The following ADARB2 variants were observed in gnomAD, a reference collection of about 807,000 sequenced individuals.
ADARB2 encodes inactive double-stranded RNA-specific editase B2.
ADARB2 carries 25 observed loss-of-function variants against 62.2 expected under a neutral mutation model. The observed-to-expected ratio is 0.40, with a 90% CI of 0.29 to 0.56. The LOEUF is 0.56. Among genes scored for constraint, ADARB2 ranks in the 20% least tolerant of loss-of-function variants. The probability of loss-of-function intolerance (pLI) is 0.43; values close to 1 mark genes in which losing one functional copy is unlikely to be tolerated. For missense variants in ADARB2, 1,071 were observed against 1,077.4 expected (o/e 0.99, Z 0.08); for synonymous variants, 572 against 500.8 (o/e 1.14, Z -1.90).
At chr10:1,549,256 T>C (rs1832575947) in intron 1 of ADARB2, among the ~76,000 whole-genome samples, 1 of 151,692 alleles carries the variant, frequency 6.6e-6, no homozygotes, top group Admixed American at 6.6e-5. Context: ...GGGTGAGGCA[T>C]GGAGCAGACA....
chr10:1,599,697 C>T (rs973912345), intron 1 of ADARB2, among the ~76,000 whole-genome samples: 1 of 152,150 alleles, frequency 6.6e-6, no homozygotes, highest in Non-Finnish European at 1.5e-5. Flanking sequence ...CGCACCTGGC[C>T]TCTTAAGTAT....
At chr10:1,672,682 ACTTCCCTTTCCTC>A (rs1343949922) in intron 1 of ADARB2, among the ~76,000 whole-genome samples, 4 of 66,342 alleles carry the variant, frequency 6.0e-5, no homozygotes, top group Non-Finnish European at 8.3e-5. Context: ...CCACGCACGC[ACTTCCCTTTCCTC>A]CTTCCAGGCC....
intron 1 of ADARB2, among the ~76,000 whole-genome samples, chr10:1,507,531 T>C (rs1266125199): frequency 6.6e-6 from 1 of 152,238 alleles, no homozygotes; most frequent in Non-Finnish European, 1.5e-5. Context: ...ATCTGACGAC[T>C]GCCTAGAGGG....
intron 3 of ADARB2, among the ~76,000 whole-genome samples, chr10:1,331,433 A>G (rs1831926739): frequency 1.3e-5 from 2 of 152,240 alleles, no homozygotes; most frequent in African/African-American, 4.8e-5. Context: ...CTATAAAAAG[A>G]AATGAAGTTC....
At chr10:1,667,511 C>G (rs909051095) in intron 1 of ADARB2, among the ~76,000 whole-genome samples, 1 of 152,208 alleles carries the variant, frequency 6.6e-6, no homozygotes, top group Non-Finnish European at 1.5e-5. Context: ...CATTTACAAA[C>G]AGCAGTTGCT....
intron 1 of ADARB2, among the ~76,000 whole-genome samples, chr10:1,479,811 T>C (rs1831444901): frequency 6.6e-6 from 1 of 152,232 alleles, no homozygotes; most frequent in Non-Finnish European, 1.5e-5. Flanking sequence ...GACACACACT[T>C]CATTCATTTG....
chr10:1,203,094 A>G lies in ADARB2; in HGVS notation c.1683-2947T>C, dbSNP rs146563195. Reference sequence around the variant, plus strand: ...ATTTTCAGCATTCAGGATTGAATGGAAAAATGCCTCTCCTTTTGTTCAAAC... The same window carrying G: ...ATTTTCAGCATTCAGGATTGAATGGGAAAATGCCTCTCCTTTTGTTCAAAC... On this transcript the variant is annotated intron_variant, in intron 7 of 9. Coordinates refer to ENST00000381312, the MANE Select transcript of ADARB2 (RefSeq NM_018702.4). Among the ~76,000 whole-genome samples, 1,023 of 152,336 alleles carry G rather than the reference A, an allele frequency of 6.7e-3. 11 individuals are homozygous for G. The highest frequency in any genetic ancestry group is 0.023 in the African/African-American group (973 of 41,568).
Position 1,363,843 on chromosome 10 carries a change from G to T in ADARB2, c.262C>A (p.Arg88=), listed in dbSNP as rs773296233. 2 of 1,549,776 alleles carry T rather than the reference G, an allele frequency of 1.3e-6. No individual in the cohort carries two copies. The highest frequency in any genetic ancestry group is 1.4e-5 in the African/African-American group (1 of 72,948). ...LAARPPPSGD[R]ARGGAPGAKR... is the part of the protein sequence containing the mutation. ...GCGCCGGGCGCGCCGCCCCGGGCCC[G>T]GTCCCCGGAGGGCGGTGGCCGCGCG... The change falls in exon 3 of 10, where the codon CGG becomes AGG. Residue 88 remains arginine (R), a synonymous_variant. Transcript: ENST00000381312.
chr10:1,266,800 G>A (rs1831209162), intron 4 of ADARB2, among the ~76,000 whole-genome samples: 2 of 152,220 alleles, frequency 1.3e-5, no homozygotes, highest in Admixed American at 1.3e-4. Flanking sequence ...GAGTTGAGCA[G>A]AAGTTACAGC....
chr10:1,437,184 T>C (rs192776880), intron 1 of ADARB2, among the ~76,000 whole-genome samples: 145 of 152,282 alleles, frequency 9.5e-4, no homozygotes, highest in African/African-American at 2.9e-3. Context: ...AAAAACATTT[T>C]ATATGAATTT....
rs557826998 is a variant in ADARB2, at chr10:1,495,901, C to G, written c.101-116741G>C. On this transcript the variant is annotated intron_variant, in intron 1 of 9. Coordinates refer to ENST00000381312, the MANE Select transcript of ADARB2 (RefSeq NM_018702.4). ...TTATCATAATCACCTTCATTAGTATCAACATTATCACCACCATCATCATCA... is the reference window on the plus strand; with the variant it reads ...TTATCATAATCACCTTCATTAGTATGAACATTATCACCACCATCATCATCA... Among the ~76,000 whole-genome samples, 32 of 152,028 alleles carry G rather than the reference C, an allele frequency of 2.1e-4. No homozygotes were observed. The South Asian group carries it at 6.0e-3, about 29-fold the overall frequency.
chr10:1,310,129 C>T (rs1831675230), intron 3 of ADARB2, among the ~76,000 whole-genome samples: 1 of 152,210 alleles, frequency 6.6e-6, no homozygotes, highest in African/African-American at 2.4e-5. Context: ...TATTAAGTCA[C>T]TCATCAGATG....
At chr10:1,486,871 G>A (rs74929902) in intron 1 of ADARB2, among the ~76,000 whole-genome samples, 3,825 of 152,232 alleles carry the variant, frequency 0.025, 176 homozygotes, top group African/African-American at 0.086. Context: ...AGGAGTGAAC[G>A]TCACTGGAAT....
intron 1 of ADARB2, among the ~76,000 whole-genome samples, chr10:1,466,666 C>T (rs373474621): frequency 1.3e-5 from 2 of 152,124 alleles, no homozygotes; most frequent in African/African-American, 2.4e-5. Context: ...AAGGCTCTGC[C>T]GTGGGGACTA....
intron 1 of ADARB2, among the ~76,000 whole-genome samples, chr10:1,700,212 T>C (rs374895858): frequency 1.8e-4 from 3 of 16,222 alleles, no homozygotes; most frequent in Non-Finnish European, 2.6e-4. Flanking sequence ...CGCTCGCCAA[T>C]ACACGCAATC....
chr10:1,586,375 TC>T (rs1187568358), intron 1 of ADARB2, among the ~76,000 whole-genome samples: 1 of 152,122 alleles, frequency 6.6e-6, no homozygotes, highest in Admixed American at 6.5e-5. Flanking sequence ...AGCCACCAAA[TC>T]CAGAAGATGA....
chr10:1,715,858 C>G (rs1410263900), intron 1 of ADARB2, among the ~76,000 whole-genome samples: 1 of 152,240 alleles, frequency 6.6e-6, no homozygotes, highest in African/African-American at 2.4e-5. Flanking sequence ...GCCTCAGTGG[C>G]TGGCGCAAGC....
Position 1,591,465 on chromosome 10 carries a change from G to T in ADARB2, c.100+145586C>A, listed in dbSNP as rs80341715. 2.7e-3 allele frequency among the ~76,000 whole-genome samples: 418 copies of T among 152,204 alleles called. 6 individuals carry two copies. The highest frequency in any genetic ancestry group is 9.5e-3 in the African/African-American group (396 of 41,472). On this transcript the variant is annotated intron_variant, in intron 1 of 9. Transcript: ENST00000381312. ...GACCCAAAGGCATCGAGACAGTGGG[G>T]CTGCATTTGGGGGCAGGGGTCTTCA...
At chr10:1,271,721 T>C (rs967506994) in intron 3 of ADARB2, among the ~76,000 whole-genome samples, 6 of 152,226 alleles carry the variant, frequency 3.9e-5, no homozygotes, top group African/African-American at 1.4e-4. Context: ...ACTCCTGGTC[T>C]CTGGGAAGAC....
Sources: allele counts gnomAD v4.1 joint callset (sites outside exome capture counted in the v4.1 genomes callset), GRCh38; gene constraint gnomAD v4.1.1; transcripts MANE v1.5; gene names NCBI Gene and HGNC (gene_info 2026-07-23, HGNC 2026-07-21).